CA10: variants seen among roughly 807,000 people sequenced by gnomAD.
CA10 encodes the protein carbonic anhydrase 10 (inactive), also known as carbonic anhydrase-related protein 10.
CA10 carries 14 observed loss-of-function variants against 44.2 expected under a neutral mutation model. The ratio of observed to expected loss-of-function variants is 0.32; its 90% CI spans 0.21 to 0.50. The LOEUF is 0.50. Ranked by LOEUF, CA10 falls within the 20% of genes least tolerant of loss-of-function variation. The pLI is 0.99. For synonymous variants in CA10, 159 were observed against 141.6 expected (o/e 1.12, Z -0.87); for missense variants, 350 against 409.7 (o/e 0.85, Z 1.26).
intron 2 of CA10, among the ~76,000 whole-genome samples, chr17:52,046,398 T>G (rs1986913498): frequency 6.6e-6 from 1 of 151,722 alleles, no homozygotes; most frequent in Non-Finnish European, 1.5e-5. Context: ...ATCACTAAGA[T>G]TCTACAGACA....
intron 3 of CA10, among the ~76,000 whole-genome samples, chr17:51,807,429 T>TA (rs1907178606): frequency 1.3e-5 from 2 of 152,178 alleles, no homozygotes; most frequent in East Asian, 3.8e-4. Flanking sequence ...ATGATTTGTC[T>TA]AAAATCACAC....
intron 1 of CA10, among the ~76,000 whole-genome samples, chr17:52,147,994 C>T (rs1000655685): frequency 6.6e-6 from 1 of 152,172 alleles, no homozygotes; most frequent in Non-Finnish European, 1.5e-5. Context: ...CCAAGGACAG[C>T]AAATCCACTC....
intron 2 of CA10, among the ~76,000 whole-genome samples, chr17:51,998,076 C>T (rs764533167): frequency 1.3e-5 from 2 of 151,998 alleles, no homozygotes; most frequent in Non-Finnish European, 2.9e-5. Flanking sequence ...AAAGATAGGT[C>T]GCCCTGGACC....
At chr17:51,983,728 A>G (rs1984732449) in intron 2 of CA10, among the ~76,000 whole-genome samples, 1 of 151,812 alleles carries the variant, frequency 6.6e-6, no homozygotes, top group South Asian at 2.1e-4. Context: ...TCAGCAAACA[A>G]TCAGCAACAA....
chr17:51,729,378 CACAA>C (rs948138356), intron 4 of CA10, among the ~76,000 whole-genome samples: 31 of 152,276 alleles, frequency 2.0e-4, no homozygotes, highest in East Asian at 7.7e-4. Flanking sequence ...CATGCACACA[CACAA>C]ACAAACACAC....
At position 51,667,937 on chromosome 17, in the gene CA10, G is replaced by A. The variant is rs115608893; in HGVS notation, c.466-14201C>T. 7.5e-3 allele frequency among the ~76,000 whole-genome samples: 1,137 copies of A among 152,298 alleles called. 12 individuals carry two copies. The highest frequency in any genetic ancestry group is 0.026 in the African/African-American group (1,094 of 41,546). ...ATATCCATTCCAAGTGTATCTGTGT[G>A]TATGTGAGAGCACTGTGGCTTTACT... On this transcript the variant is annotated intron_variant, in intron 4 of 8. Coordinates refer to ENST00000451037, the MANE Select transcript of CA10 (RefSeq NM_020178.5).
chr17:51,909,182 G>A lies in CA10; in HGVS notation c.279+21808C>T, dbSNP rs1981688660. On this transcript the variant is annotated intron_variant, in intron 3 of 8. Transcript: ENST00000451037. ...AGATAGAAGGTGAAAGGTGTACTGA[G>A]ATATCTCTTTCCTAGCCTCTGTTAA... Among the ~76,000 whole-genome samples, 5 of 152,102 alleles carry A rather than the reference G, an allele frequency of 3.3e-5. No homozygotes were observed. In the South Asian group the frequency reaches 1.0e-3, roughly 32 times the overall value.
At chr17:51,631,784 C>T (rs1912592618) in intron 8 of CA10, among the ~76,000 whole-genome samples, 178 bp from the exon 9 acceptor site, 1 of 152,174 alleles carries the variant, frequency 6.6e-6, no homozygotes, top group African/African-American at 2.4e-5. Flanking sequence ...ACCTTCTAGG[C>T]CTATACTGAC....
rs188340425 is a variant in CA10 at position 51,637,745 on chromosome 17, G to T, written c.635-1736C>A. Reference sequence around the variant, plus strand: ...AAAGATCAGGGAGGCAAAGTGGGCTGCCCAAGGTCACAGGGCTAGCTGGTG... The same window carrying T: ...AAAGATCAGGGAGGCAAAGTGGGCTTCCCAAGGTCACAGGGCTAGCTGGTG... On this transcript the variant is annotated intron_variant, in intron 6 of 8. Transcript: ENST00000451037. 2.6e-5 allele frequency among the ~76,000 whole-genome samples: 4 copies of T among 152,298 alleles called. No homozygotes were observed. In the East Asian group the frequency reaches 5.8e-4, roughly 22 times the overall value.
chr17:52,032,024 A>C (rs2144174753), intron 2 of CA10, among the ~76,000 whole-genome samples: 1 of 152,284 alleles, frequency 6.6e-6, no homozygotes, highest in Admixed American at 6.5e-5. Flanking sequence ...CACAAATAAA[A>C]ATCGAGTAAG....
At chr17:51,754,844 G>C (rs1032833173) in intron 3 of CA10, among the ~76,000 whole-genome samples, 5 of 151,896 alleles carry the variant, frequency 3.3e-5, no homozygotes, top group Admixed American at 2.6e-4. Context: ...AGTTCAAATA[G>C]CTCTTAACCA....
At chr17:51,946,623 C>A (rs773143137) in intron 2 of CA10, among the ~76,000 whole-genome samples, 16 of 152,080 alleles carry the variant, frequency 1.1e-4, no homozygotes, top group Non-Finnish European at 2.1e-4. Flanking sequence ...GGCATGCCTA[C>A]TCATTCAAAT....
At chr17:51,818,389 GTATT>G (rs2143755610) in intron 3 of CA10, among the ~76,000 whole-genome samples, 1 of 152,308 alleles carries the variant, frequency 6.6e-6, no homozygotes, top group African/African-American at 2.4e-5. Context: ...TTATTTGCTT[GTATT>G]ACCGCAGCAC....
rs539032220 is a variant in CA10, at chr17:51,689,206, G to A, written c.466-35470C>T. On this transcript the variant is annotated intron_variant, in intron 4 of 8. Transcript: ENST00000451037. ...TGGGAAGCTTGTAATAAAAATAACA[G>A]CAATTATTATCTGCTATATAAAATA... Among the ~76,000 whole-genome samples, 5 of 152,244 alleles carry A rather than the reference G, an allele frequency of 3.3e-5. No homozygotes were observed. The East Asian group carries it at 9.6e-4, about 29-fold the overall frequency.
At chr17:51,890,195 T>C (rs1364130522) in intron 3 of CA10, among the ~76,000 whole-genome samples, 1 of 152,190 alleles carries the variant, frequency 6.6e-6, no homozygotes, top group Non-Finnish European at 1.5e-5. Context: ...CATTTTTACT[T>C]AATAATCTCT....
chr17:52,014,097 A>G (rs1254584857), intron 2 of CA10, among the ~76,000 whole-genome samples: 1 of 152,016 alleles, frequency 6.6e-6, no homozygotes, highest in Non-Finnish European at 1.5e-5. Flanking sequence ...AAACTTCCAT[A>G]TTAAAAATAA....
intron 2 of CA10, among the ~76,000 whole-genome samples, chr17:51,993,121 G>C (rs1219153970): frequency 1.3e-5 from 2 of 151,970 alleles, no homozygotes; most frequent in African/African-American, 4.8e-5. Context: ...TGATGCATTG[G>C]GTCCAGATAC....
chr17:51,933,737 G>T (rs1294850102), intron 2 of CA10, among the ~76,000 whole-genome samples: 3 of 152,086 alleles, frequency 2.0e-5, no homozygotes, highest in East Asian at 1.9e-4. Context: ...GCAGCTGCAT[G>T]ATTAAAGTAG....
chr17:51,957,856 A>G (rs1461443339), intron 2 of CA10, among the ~76,000 whole-genome samples: 3 of 152,066 alleles, frequency 2.0e-5, no homozygotes, highest in Non-Finnish European at 2.9e-5. Context: ...GTGTAATGCA[A>G]CCTTAAAGCT....
Sources: gnomAD v4.1 joint callset for allele counts (sites outside exome capture counted in the v4.1 genomes callset) on GRCh38, gnomAD v4.1.1 for gene constraint, MANE v1.5 for transcripts, NCBI Gene and HGNC (gene_info 2026-07-23, HGNC 2026-07-21) for gene names.